Variants in IL12RB1 observed in about 807,000 individuals in gnomAD.
IL12RB1 encodes the protein interleukin 12 receptor subunit beta 1, also known as interleukin-12 receptor subunit beta-1.
Under a neutral mutation model 94.4 loss-of-function variants are expected in IL12RB1, and 64 were observed. The observed-to-expected ratio is 0.68, with a 90% CI of 0.55 to 0.83. The LOEUF (loss-of-function observed/expected upper bound fraction) is 0.83. IL12RB1 is among the 40% of genes least tolerant of loss of function. IL12RB1 has a pLI of 0.00. For missense variants in IL12RB1, 814 were observed against 855.6 expected (o/e 0.95, Z 0.61); for synonymous variants, 362 against 355.5 (o/e 1.02, Z -0.21).
At chr19:18,083,643 A>G in intron 1 of IL12RB1, 152 bp from the exon 2 acceptor site, 1 of 679,492 alleles carries the variant, frequency 1.5e-6, no homozygotes, top group South Asian at 1.6e-5. Context: ...CCATCCATCC[A>G]TCTGCCCATG....
In IL12RB1 at chr19:18,061,173, C is replaced by T. The variant is rs775800683; in HGVS notation, c.1740G>A (p.Pro580=). ...CGGAGCTGGCACAGGGTGTGGGCAG[C>T]GGCGGGCACAGGTGCCGTGCGGCCC... ...LNRAARHLCP[P]LPTPCASSAI... is the part of the protein sequence containing the mutation. The change falls in exon 15 of 17, where the codon CCG becomes CCA. Residue 580 remains proline, a synonymous_variant. Transcript: ENST00000593993. 44 of 1,595,902 alleles carry T rather than the reference C, an allele frequency of 2.8e-5. No individual in the cohort carries two copies. Among genetic ancestry groups the T allele is most frequent in the East Asian group, 1.4e-4 (6 of 44,344 alleles).
chr19:18,073,593 G>T lies in IL12RB1; in HGVS notation c.707C>A (p.Pro236His). The change falls in exon 8 of 17, where the codon CCC (proline) becomes CAC (histidine). Residue 236 changes from proline (P) to histidine (H), a missense_variant. Transcript: ENST00000593993. ...CGAGAATCTCACCTGAGGCTGTGGG[G>T]GGTTTTCTGCAATCAGAACCAAACC... is the stretch of plus-strand genomic sequence containing the variant. The part of the protein sequence containing the change: ...SSPVCVPPEN[P>H]PQPQVRFSVE... The T allele has an allele frequency of 6.2e-7, 1 of 1,609,028 alleles. No homozygotes were observed. The highest frequency in any genetic ancestry group is 8.5e-7 in the Non-Finnish European group (1 of 1,175,704).
chr19:18,066,873 A>C (rs2034623570), intron 11 of IL12RB1, among the ~76,000 whole-genome samples, 176 bp from the exon 12 acceptor site: 1 of 151,974 alleles, frequency 6.6e-6, no homozygotes, highest in African/African-American at 2.4e-5. Context: ...CTAAAAATAC[A>C]AAAATTAGCC....
At chr19:18,097,940 C>G in intron 1 of IL12RB1, 1 of 870,914 alleles carries the variant, frequency 1.1e-6, no homozygotes, top group East Asian at 3.5e-5. Context: ...GAAACTGAGG[C>G]AGAGGGTGGG....
upstream of IL12RB1, among the ~76,000 whole-genome samples, chr19:18,088,784 C>T (rs1170622115): frequency 1.3e-5 from 2 of 151,954 alleles, no homozygotes; most frequent in Non-Finnish European, 2.9e-5. Context: ...AATTCCAACA[C>T]TTTGGGAGGC....
intron 1 of IL12RB1, among the ~76,000 whole-genome samples, chr19:18,094,845 G>A (rs1355799987): frequency 6.6e-6 from 1 of 152,032 alleles, no homozygotes; most frequent in East Asian, 1.9e-4. Context: ...TATGACCCCG[G>A]AAGTCCATTC....
chr19:18,067,197 G>A (rs970164778), intron 11 of IL12RB1, among the ~76,000 whole-genome samples: 6 of 149,942 alleles, frequency 4.0e-5, no homozygotes, highest in Middle Eastern at 3.2e-3. Context: ...GATGGTGGGC[G>A]CCTGTAATCC....
chr19:18,076,398 G>T (rs769436962), intron 5 of IL12RB1, 71 bp from the exon 6 acceptor site: 17 of 801,564 alleles, frequency 2.1e-5, no homozygotes, highest in Non-Finnish European at 3.2e-5. Context: ...TTTACAATTA[G>T]TTATTTATTT....
At chr19:18,065,460 A>G (rs2034506019) in intron 12 of IL12RB1, among the ~76,000 whole-genome samples, 2 of 152,120 alleles carry the variant, frequency 1.3e-5, no homozygotes, top group Admixed American at 6.6e-5. Context: ...CTGGGTGCTC[A>G]TGACTAATCC....
intron 9 of IL12RB1, chr19:18,071,228 C>T (rs566327065): frequency 8.5e-4 from 347 of 408,210 alleles, no homozygotes; most frequent in Admixed American, 2.8e-3. Flanking sequence ...CAAAATTAGC[C>T]GGGTATGGTG....
At chr19:18,089,433 T>C (rs912010082), upstream of IL12RB1, among the ~76,000 whole-genome samples, 3 of 152,048 alleles carry the variant, frequency 2.0e-5, no homozygotes, top group Admixed American at 6.6e-5. Flanking sequence ...GAGACCAGCC[T>C]GGACAACACA....
rs1294818672 is a variant in IL12RB1, at chr19:18,074,238, C to A, written c.701-639G>T. ...TGATTCCCAGGCTTGTCTCAAACTC[C>A]TGGCCTCAAACAATCCTCTGGCCTC... On this transcript the variant is annotated intron_variant, in intron 7 of 16. Transcript: ENST00000593993. Among the ~76,000 whole-genome samples the A allele has an allele frequency of 7.2e-5, 11 of 152,020 alleles. 1 individual carries two copies. The highest frequency in any genetic ancestry group is 1.6e-4 in the Non-Finnish European group (11 of 68,014).
chr19:18,086,653 G>T, intron 1 of IL12RB1, 107 bp downstream of exon 1: 1 of 1,060,334 alleles, frequency 9.4e-7, no homozygotes, highest in Non-Finnish European at 1.4e-6. Flanking sequence ...GAAAGACTGA[G>T]GCACAGAGAG....
At chr19:18,061,623 A>C (rs1421551201) in intron 14 of IL12RB1, among the ~76,000 whole-genome samples, 3 of 152,014 alleles carry the variant, frequency 2.0e-5, no homozygotes, top group Non-Finnish European at 4.4e-5. Context: ...CCTTCCCTAG[A>C]AATTTCTGCA....
At chr19:18,078,339 G>A (rs527975971) in intron 4 of IL12RB1, among the ~76,000 whole-genome samples, 2 of 152,096 alleles carry the variant, frequency 1.3e-5, no homozygotes, top group Non-Finnish European at 2.9e-5. Context: ...CCCAGGAGGC[G>A]GAGGTTGTAG....
At chr19:18,090,995 AC>A (rs1390075462), upstream of IL12RB1, among the ~76,000 whole-genome samples, 1 of 151,916 alleles carries the variant, frequency 6.6e-6, no homozygotes, top group African/African-American at 2.4e-5. Flanking sequence ...TGCTTTGGGG[AC>A]CACCAAGATG....
chr19:18,068,467 T>C lies in IL12RB1; in HGVS notation c.1249A>G (p.Thr417Ala), dbSNP rs1233897841. Residue 417 changes from threonine (T) to alanine (A), a missense_variant, in exon 11 of 17, where the codon ACC (threonine) becomes GCC (alanine). Coordinates refer to ENST00000593993, the MANE Select transcript of IL12RB1 (RefSeq NM_005535.3). Reference sequence around the variant, plus strand: ...TCGGGGTGCGCAGAGGCAAAGATGGTAATGTAGTAACACTTTTCCTGCCCC... The same window carrying C: ...TCGGGGTGCGCAGAGGCAAAGATGGCAATGTAGTAACACTTTTCCTGCCCC... Reference protein sequence around the residue: ...AMGQEKCYYITIFASAHPEKL... With the variant: ...AMGQEKCYYIAIFASAHPEKL... 9 of 1,611,240 alleles carry C rather than the reference T, an allele frequency of 5.6e-6. No individual in the cohort carries two copies. Among genetic ancestry groups the C allele is most frequent in the Non-Finnish European group, 7.6e-6 (9 of 1,177,782 alleles).
chr19:18,071,877 C>T (rs566533371), intron 9 of IL12RB1, among the ~76,000 whole-genome samples: 1 of 152,174 alleles, frequency 6.6e-6, no homozygotes, highest in Admixed American at 6.6e-5. Context: ...GTTGGCCAGA[C>T]TGGTCTCGAA....
chr19:18,059,405 C>G lies in IL12RB1; in HGVS notation c.*203G>C. On this transcript the variant is annotated 3_prime_UTR_variant, in exon 17 of 17. Transcript: ENST00000593993. ...AGGGTCTGCTCCTGCCCCACGGATGCCAGGCCCAGCAGGGTGCAGCAGCTT... is the reference window on the plus strand; with the variant it reads ...AGGGTCTGCTCCTGCCCCACGGATGGCAGGCCCAGCAGGGTGCAGCAGCTT... The G allele has an allele frequency of 1.6e-6, 1 of 631,352 alleles. No homozygotes were observed. The highest frequency in any genetic ancestry group is 2.9e-6 in the Non-Finnish European group (1 of 349,018). 39.1% of individuals were successfully genotyped at this position (631,352 alleles called of 1,614,324 possible).
Sources: allele counts gnomAD v4.1 joint callset (sites outside exome capture counted in the v4.1 genomes callset), GRCh38; gene constraint gnomAD v4.1.1; transcripts MANE v1.5; gene names NCBI Gene and HGNC (gene_info 2026-07-23, HGNC 2026-07-21).